Variants in JAKMIP3 observed in about 807,000 individuals in gnomAD.
JAKMIP3 encodes the protein Janus kinase and microtubule interacting protein 3, also known as janus kinase and microtubule-interacting protein 3.
A neutral mutation model predicts 118.5 loss-of-function variants in JAKMIP3; 58 were observed. That is an observed-to-expected ratio of 0.49 (90% CI 0.40 to 0.61). The LOEUF (loss-of-function observed/expected upper bound fraction) is 0.61. JAKMIP3 is among the 20% of genes least tolerant of loss of function. JAKMIP3 has a pLI of 0.00. For missense variants in JAKMIP3, 950 were observed against 1,109.0 expected, an observed-to-expected ratio of 0.86 and a Z score of 2.04; for synonymous variants, 486 against 451.2, an observed-to-expected ratio of 1.08 and a Z score of -0.98.
intron 20 of JAKMIP3, 53 bp from the exon 21 acceptor site, chr10:132,164,617 G>A: frequency 2.6e-6 from 3 of 1,150,402 alleles, no homozygotes; most frequent in South Asian, 2.5e-5. Flanking sequence ...TGAAGGATTT[G>A]GGTTTCCCGA....
intron 2 of JAKMIP3, among the ~76,000 whole-genome samples, 181 bp downstream of exon 2, chr10:132,105,124 G>A (rs1041108131): frequency 4.6e-5 from 7 of 152,286 alleles, no homozygotes; most frequent in Non-Finnish European, 1.0e-4. Context: ...GAGACTTGAG[G>A]GCCTGTAGGC....
intron 16 of JAKMIP3, among the ~76,000 whole-genome samples, chr10:132,150,481 G>A (rs955018112): frequency 2.6e-5 from 4 of 152,160 alleles, no homozygotes; most frequent in African/African-American, 9.7e-5. Context: ...GTTAATTACT[G>A]AGTGGGCAAA....
rs2037837936 is a variant in JAKMIP3, at chr10:132,044,079, C to G, written c.-138+7341C>G. Among the ~76,000 whole-genome samples the G allele has an allele frequency of 6.6e-6, 1 of 152,228 alleles. No individual in the cohort carries two copies. Among genetic ancestry groups the G allele is most frequent in the Non-Finnish European group, 1.5e-5 (1 of 68,048 alleles). On this transcript the variant is annotated intron_variant, in intron 1 of 23. Transcript: ENST00000657785. This position sits in a 1 kb window ranked among gnomAD's most constrained non-coding sequence, Gnocchi z 5.3. ...TTCAGATACCGTGTGTGCAGTGGCG[C>G]TTGTGGCCCACCTGGGGACACAGGC...
At chr10:132,105,849 C>T (rs1465222757) in intron 2 of JAKMIP3, among the ~76,000 whole-genome samples, 3 of 152,158 alleles carry the variant, frequency 2.0e-5, no homozygotes, top group Non-Finnish European at 2.9e-5. Flanking sequence ...TTCTCTCCCT[C>T]CCTGTTTCTT....
At chr10:132,120,430 T>G (rs2048360666) in intron 3 of JAKMIP3, among the ~76,000 whole-genome samples, 1 of 152,146 alleles carries the variant, frequency 6.6e-6, no homozygotes, top group Non-Finnish European at 1.5e-5. Context: ...ACTTCCTTCC[T>G]CCACCCCTGA....
At chr10:132,054,780 C>T (rs1052154408) in intron 1 of JAKMIP3, among the ~76,000 whole-genome samples, 3 of 152,316 alleles carry the variant, frequency 2.0e-5, no homozygotes, top group Middle Eastern at 3.4e-3. Flanking sequence ...CCCCTGGGCT[C>T]GGGGACAGCT....
intron 21 of JAKMIP3, among the ~76,000 whole-genome samples, 191 bp from the exon 22 acceptor site, chr10:132,166,792 C>T (rs982133793): frequency 6.6e-6 from 1 of 152,156 alleles, no homozygotes; most frequent in Non-Finnish European, 1.5e-5. Context: ...CTAGGGGTGG[C>T]GGCACCACCC....
intron 1 of JAKMIP3, among the ~76,000 whole-genome samples, chr10:132,098,894 A>C (rs936331792): frequency 6.6e-6 from 1 of 152,238 alleles, no homozygotes; most frequent in African/African-American, 2.4e-5. Context: ...CATACTCAGT[A>C]AGCCTCCTCA....
In JAKMIP3 at chr10:132,180,730, C is replaced by CGCGCGTGTGCGT. The variant is rs1554963341; in HGVS notation, c.*1104-1626_*1104-1625insCGCGTGTGCGTG. 6.9e-4 allele frequency among the ~76,000 whole-genome samples: 6 copies of CGCGCGTGTGCGT among 8,682 alleles called. 2 individuals are homozygous for CGCGCGTGTGCGT. Among genetic ancestry groups the CGCGCGTGTGCGT allele is most frequent in the African/African-American group, 3.9e-3 (6 of 1,550 alleles). The allele number at this position is 8,682 out of a possible 152,430, so 5.7% of individuals were successfully genotyped here. A position where few individuals can be genotyped will look rare whatever the true frequency, so the allele number is the denominator to read the frequency against. On this transcript the variant is annotated intron_variant, in intron 23 of 23. Coordinates refer to ENST00000684848, the MANE Select transcript of JAKMIP3 (RefSeq NM_001323087.2). The stretch of plus-strand genomic sequence containing the variant: ...GTGCGCGTGTGTGTGCGTGTGTGTG[C>CGCGCGTGTGCGT]GTGTGTGCGTGCGTGCGCGCGCGTG...
Position 132,133,320 on chromosome 10 carries a change from G to T in JAKMIP3, c.642G>T (p.Glu214Asp). The change falls in exon 4 of 24, where the codon GAG becomes GAT. Residue 214 changes from glutamate (E) to aspartate (D), a missense_variant. By Grantham distance (45) the Glu-to-Asp change is conservative. Transcript: ENST00000684848. ...CEREIRRLME[E>D]IKFKDRAVFV... ...TTCTGTTCTCCTTGTAGATGGAGGAGATAAAATTTAAAGACAGAGCAGTCT... is the reference window on the plus strand; with the variant it reads ...TTCTGTTCTCCTTGTAGATGGAGGATATAAAATTTAAAGACAGAGCAGTCT... 1 of 1,585,498 alleles carries T rather than the reference G, an allele frequency of 6.3e-7. No homozygotes were observed. The highest frequency in any genetic ancestry group is 1.2e-5 in the South Asian group (1 of 86,614).
intron 23 of JAKMIP3, among the ~76,000 whole-genome samples, chr10:132,178,379 C>T (rs1048423977): frequency 6.6e-6 from 1 of 152,234 alleles, no homozygotes; most frequent in Admixed American, 6.5e-5. Flanking sequence ...GGAGGAGGCA[C>T]AGCCTGTGTC....
In JAKMIP3 at chr10:132,041,436, G is replaced by C. The variant is rs572384200; in HGVS notation, c.-138+4698G>C. The stretch of plus-strand genomic sequence containing the variant: ...GGCGGCTGTATGCAGGATCCCGGCA[G>C]CATGGGCTGTGTTCTGGGAGCTGCT... On this transcript the variant is annotated intron_variant, in intron 1 of 23. Transcript: ENST00000657785. Among the ~76,000 whole-genome samples the C allele has an allele frequency of 2.9e-3, 445 of 152,364 alleles. 1 individual carries two copies. The highest frequency in any genetic ancestry group is 5.2e-3 in the Non-Finnish European group (355 of 68,030).
rs2049401432 is a variant in JAKMIP3, at chr10:132,125,651, C to T, written c.634-7661C>T. ...TTACTGTTAGATTTTTCTCTTCTCT[C>T]AGCCATGTTTTGTAAATTTCAGTGT... On this transcript the variant is annotated intron_variant, in intron 3 of 23. Transcript: ENST00000684848. Among the ~76,000 whole-genome samples, 8 of 152,350 alleles carry T rather than the reference C, an allele frequency of 5.3e-5. 2 individuals carry two copies. The South Asian group carries it at 1.7e-3, about 32-fold the overall frequency.
At chr10:132,148,949 C>T (rs1477494792) in intron 14 of JAKMIP3, among the ~76,000 whole-genome samples, 1 of 152,324 alleles carries the variant, frequency 6.6e-6, no homozygotes, top group Non-Finnish European at 1.5e-5. Context: ...GAGGACAGGG[C>T]AGCTGTGTGG....
intron 2 of JAKMIP3, among the ~76,000 whole-genome samples, chr10:132,116,232 C>A (rs182906072): frequency 6.6e-6 from 1 of 152,220 alleles, no homozygotes; most frequent in African/African-American, 2.4e-5. Context: ...TTACAGATTC[C>A]GGTGGGTGAC....
chr10:132,141,897 G>T, intron 10 of JAKMIP3, 23 bp from the exon 11 acceptor site: 2 of 1,585,434 alleles, frequency 1.3e-6, no homozygotes, highest in Non-Finnish European at 1.7e-6. Flanking sequence ...CTCTGTGCGT[G>T]TGTGGCATCC....
intron 11 of JAKMIP3, among the ~76,000 whole-genome samples, chr10:132,143,149 G>GTA (rs1564955893): frequency 6.6e-6 from 1 of 151,048 alleles, no homozygotes; most frequent in Non-Finnish European, 1.5e-5. Flanking sequence ...AGTCGGGGTG[G>GTA]GGGGGGCTGG....
At chr10:132,159,568 GC>G (rs2057653116) in intron 19 of JAKMIP3, among the ~76,000 whole-genome samples, 5 of 75,132 alleles carry the variant, frequency 6.7e-5, no homozygotes, top group South Asian at 5.4e-4. Flanking sequence ...TGCTGGGGGG[GC>G]GTGTCTCCCT....
At position 132,138,188 on chromosome 10, in the gene JAKMIP3, A is replaced by G; in HGVS notation, c.1344+10A>G. 6.2e-7 allele frequency: 1 copy of G among 1,607,090 alleles called. No homozygotes were observed. Among genetic ancestry groups the G allele is most frequent in the Non-Finnish European group, 8.5e-7 (1 of 1,176,578 alleles). ...GGCAAAACTTCCCAAGGTAAGGAAC[A>G]GCACACCGGCACGTGCGGAGAGTAC... is the stretch of plus-strand genomic sequence containing the variant. On this transcript the variant is annotated intron_variant, in intron 9 of 23. Coordinates refer to ENST00000684848, the MANE Select transcript of JAKMIP3 (RefSeq NM_001323087.2).
Sources: allele counts gnomAD v4.1 joint callset (sites outside exome capture counted in the v4.1 genomes callset), GRCh38; gene constraint gnomAD v4.1.1; non-coding constraint Gnocchi (gnomAD v3.1); transcripts MANE v1.5; gene names NCBI Gene and HGNC (gene_info 2026-07-23, HGNC 2026-07-21).